Variants in TMEM273 observed in about 807,000 individuals in gnomAD.
TMEM273 encodes the protein chromosome 10 open reading frame 128.
Under a neutral mutation model 17.9 loss-of-function variants are expected in TMEM273, and 19 were observed. The observed-to-expected ratio is 1.06, with a 90% confidence interval of 0.74 to 1.55. The LOEUF is 1.55. Ranked by LOEUF, TMEM273 falls within the 40% of genes most tolerant of loss-of-function variation. The probability of loss-of-function intolerance (pLI) is 0.00; values close to 1 mark genes in which losing one functional copy is unlikely to be tolerated. For synonymous variants in TMEM273, 66 were observed against 62.0 expected, an observed-to-expected ratio of 1.07 and a Z score of -0.31; for missense variants, 194 against 155.6, an observed-to-expected ratio of 1.25 and a Z score of -1.31.
At position 49,167,960 on chromosome 10, in the gene TMEM273, C is replaced by T. The variant is rs776710362; in HGVS notation, c.46G>A (p.Val16Ile). The change falls in exon 2 of 7, where the codon GTA becomes ATA. Residue 16 changes from valine (V) to isoleucine (I), a missense_variant and splice_region_variant. Coordinates refer to ENST00000374153, the MANE Select transcript of TMEM273 (RefSeq NM_001288740.3). ...SMLRILFLLD[V>I]GGAQVLATGK... ...GTTGCCAGCACTTGAGCTCCTCCTACATCTGCAAAGAAAGAAACCCCAGAG... is the reference window on the plus strand; with the variant it reads ...GTTGCCAGCACTTGAGCTCCTCCTATATCTGCAAAGAAAGAAACCCCAGAG... 2 of 1,614,066 alleles carry T rather than the reference C, an allele frequency of 1.2e-6. No homozygotes were observed. The highest frequency in any genetic ancestry group is 1.7e-6 in the Non-Finnish European group (2 of 1,180,014).
chr10:49,178,414 G>A (rs546846449), intron 1 of TMEM273: 5 of 415,532 alleles, frequency 1.2e-5, no homozygotes, highest in Middle Eastern at 4.1e-4. Flanking sequence ...CTCCCCTGAC[G>A]GTGGTGACAG....
chr10:49,174,624 G>A (rs1590226821), intron 1 of TMEM273, among the ~76,000 whole-genome samples: 1 of 152,170 alleles, frequency 6.6e-6, no homozygotes. Context: ...TTCTGTGCAA[G>A]GAACTAGGCT....
intron 1 of TMEM273, 117 bp from the exon 2 acceptor site, chr10:49,168,079 G>T: frequency 2.4e-6 from 3 of 1,249,640 alleles, no homozygotes; most frequent in Non-Finnish European, 3.4e-6. Context: ...CACAGAGGTG[G>T]GCTCCCAATT....
intron 5 of TMEM273, among the ~76,000 whole-genome samples, chr10:49,162,713 C>T (rs1845922624): frequency 1.3e-5 from 2 of 152,258 alleles, no homozygotes; most frequent in South Asian, 4.1e-4. Flanking sequence ...CAGCAGAGGG[C>T]CCCTGAGGCC....
chr10:49,182,655 TA>T (rs1847421970), intron 1 of TMEM273, among the ~76,000 whole-genome samples: 1 of 152,220 alleles, frequency 6.6e-6, no homozygotes, highest in African/African-American at 2.4e-5. Context: ...TGCAGACCTC[TA>T]ATAAAATGCC....
At position 49,155,851 on chromosome 10, in the gene TMEM273, C is replaced by A. The variant is rs141518641; in HGVS notation, c.*41G>T. On this transcript the variant is annotated 3_prime_UTR_variant, in exon 7 of 7. Coordinates refer to ENST00000374153, the MANE Select transcript of TMEM273 (RefSeq NM_001288740.3). ...GATGTTAACCATGGGCTGTTTTCCA[C>A]GGGGCTAGAACCCCTCTTCACGTCA... 1.2e-6 allele frequency: 2 copies of A among 1,613,996 alleles called. No homozygotes were observed. The highest frequency in any genetic ancestry group is 1.3e-5 in the African/African-American group (1 of 75,022).
chr10:49,167,468 G>C (rs1396603217), intron 2 of TMEM273, among the ~76,000 whole-genome samples: 1 of 152,246 alleles, frequency 6.6e-6, no homozygotes, highest in African/African-American at 2.4e-5. Flanking sequence ...GACGGGAGAG[G>C]CTGGGTTGGC....
Position 49,155,317 on chromosome 10 carries a change from C to T in TMEM273, c.*575G>A, listed in dbSNP as rs1845448494. 1.3e-5 allele frequency: 2 copies of T among 154,018 alleles called. No homozygotes were observed. The highest frequency in any genetic ancestry group is 2.9e-5 in the Non-Finnish European group (2 of 69,288). The allele number at this position is 154,018 out of a possible 1,614,324, so 9.5% of individuals were successfully genotyped here. On this transcript the variant is annotated 3_prime_UTR_variant, in exon 7 of 7. Transcript: ENST00000374153. ...GCCCTTCCTACCACGCCAGCCCAGA[C>T]TGCCATTTCCCCTCCAGAAGGCCAG...
intron 5 of TMEM273, among the ~76,000 whole-genome samples, chr10:49,161,954 T>C (rs1396337644): frequency 1.3e-5 from 2 of 152,166 alleles, no homozygotes; most frequent in African/African-American, 4.8e-5. Context: ...CTGGCCTTTA[T>C]TTCTTGCCTC....
At chr10:49,158,130 T>G (rs1438061553) in intron 6 of TMEM273, among the ~76,000 whole-genome samples, 1 of 152,186 alleles carries the variant, frequency 6.6e-6, no homozygotes, top group Non-Finnish European at 1.5e-5. Context: ...GAGTAAAATC[T>G]GAAAACTCTC....
intron 1 of TMEM273, among the ~76,000 whole-genome samples, chr10:49,176,079 G>C (rs1294650252): frequency 6.6e-6 from 1 of 152,220 alleles, no homozygotes; most frequent in Non-Finnish European, 1.5e-5. Flanking sequence ...CCTTGGACCA[G>C]ACACAACATG....
At chr10:49,165,818 T>C (rs773220245) in intron 3 of TMEM273, 22 bp from the exon 4 acceptor site, 1 of 1,614,096 alleles carries the variant, frequency 6.2e-7, no homozygotes, top group Non-Finnish European at 8.5e-7. Context: ...AAGCCGGGCA[T>C]TAGGAAGGGG....
At chr10:49,165,448 G>C in intron 4 of TMEM273, 165 bp from the exon 5 acceptor site, 6 of 1,477,444 alleles carry the variant, frequency 4.1e-6, no homozygotes, top group Non-Finnish European at 4.5e-6. Flanking sequence ...AGTGACAGGG[G>C]CTGGAGGCCT....
chr10:49,158,425 C>A (rs1444535948), intron 6 of TMEM273, among the ~76,000 whole-genome samples: 1 of 152,064 alleles, frequency 6.6e-6, no homozygotes, highest in Non-Finnish European at 1.5e-5. Context: ...AGCTCCCGCA[C>A]CATGAAAGAT....
intron 1 of TMEM273, among the ~76,000 whole-genome samples, chr10:49,178,664 CG>C (rs554411328): frequency 2.0e-5 from 3 of 152,152 alleles, no homozygotes; most frequent in Non-Finnish European, 4.4e-5. Context: ...CAGAGATGTA[CG>C]CAATTAGCAT....
intron 1 of TMEM273, among the ~76,000 whole-genome samples, chr10:49,171,604 A>C (rs1044861061): frequency 6.6e-6 from 1 of 152,178 alleles, no homozygotes; most frequent in South Asian, 2.1e-4. Context: ...CACAGCTGCC[A>C]TTCCCACCTC....
intron 1 of TMEM273, among the ~76,000 whole-genome samples, chr10:49,170,548 G>A (rs1457400358): frequency 6.6e-6 from 1 of 152,140 alleles, no homozygotes; most frequent in Non-Finnish European, 1.5e-5. Flanking sequence ...ATTTTTGGTG[G>A]TCTGACTTAG....
chr10:49,183,942 CA>C (rs11326591), intron 1 of TMEM273, among the ~76,000 whole-genome samples: 102,342 of 148,916 alleles, frequency 0.69, 36,804 homozygotes, highest in Non-Finnish European at 0.82. Flanking sequence ...TCAGCTATAG[CA>C]AAAAAAAAAA....
At chr10:49,166,080 C>T (rs1846163273) in intron 3 of TMEM273, among the ~76,000 whole-genome samples, 1 of 152,212 alleles carries the variant, frequency 6.6e-6, no homozygotes, top group African/African-American at 2.4e-5. Flanking sequence ...CCGGCCCAGA[C>T]CAGCCCCTTC....
Sources: gnomAD v4.1 joint callset for allele counts (sites outside exome capture counted in the v4.1 genomes callset) on GRCh38, gnomAD v4.1.1 for gene constraint, MANE v1.5 for transcripts, NCBI Gene and HGNC (gene_info 2026-07-23, HGNC 2026-07-21) for gene names.